SECISBP2: variants seen among roughly 807,000 people sequenced by gnomAD.
The protein encoded by SECISBP2 is selenocysteine insertion sequence-binding protein 2.
SECISBP2 carries 96 observed loss-of-function variants against 98.2 expected under a neutral mutation model. That is an observed-to-expected ratio of 0.98 (90% CI 0.83 to 1.16). SECISBP2 has a LOEUF of 1.16. Among genes scored for constraint, SECISBP2 ranks in the 50% most tolerant of loss-of-function variants. SECISBP2 has a pLI of 0.00. For missense variants in SECISBP2, 1,046 were observed against 1,022.9 expected (o/e 1.02, Z -0.31); for synonymous variants, 407 against 370.2 (o/e 1.10, Z -1.14).
At chr9:89,357,786 C>T (rs1215076331) in intron 15 of SECISBP2, among the ~76,000 whole-genome samples, 3 of 152,260 alleles carry the variant, frequency 2.0e-5, no homozygotes, top group Non-Finnish European at 4.4e-5. Context: ...TCTGGGCTTG[C>T]TGCTGACATA....
chr9:89,332,698 G>A (rs1239075488), intron 5 of SECISBP2: 1 of 581,096 alleles, frequency 1.7e-6, no homozygotes, highest in Admixed American at 3.0e-5. Context: ...AAGGAGTGCA[G>A]TGGCTAAATC....
intron 8 of SECISBP2, among the ~76,000 whole-genome samples, chr9:89,339,520 T>C (rs1353255021): frequency 6.6e-6 from 1 of 152,224 alleles, no homozygotes; most frequent in Non-Finnish European, 1.5e-5. Flanking sequence ...CATGTAAATC[T>C]ACTGAATCTG....
intron 14 of SECISBP2, 49 bp from the exon 15 acceptor site, chr9:89,357,362 C>T (rs1302618414): frequency 6.2e-7 from 1 of 1,609,686 alleles, no homozygotes. Context: ...ATTAACACCA[C>T]ACTCCATGTG....
intron 6 of SECISBP2, among the ~76,000 whole-genome samples, chr9:89,333,711 CT>C (rs1828146917): frequency 6.6e-6 from 1 of 151,636 alleles, no homozygotes; most frequent in African/African-American, 2.4e-5. Flanking sequence ...CTCATCTGTC[CT>C]GTCCTGGCCA....
intron 2 of SECISBP2, chr9:89,322,254 A>G (rs1003674116): frequency 3.3e-5 from 5 of 152,272 alleles, no homozygotes; most frequent in East Asian, 1.9e-4. Flanking sequence ...AACATTTGCC[A>G]TGTTTGGAAA....
intron 7 of SECISBP2, among the ~76,000 whole-genome samples, chr9:89,337,510 AAGAG>A (rs1212721738): frequency 6.6e-6 from 1 of 152,300 alleles, no homozygotes; most frequent in South Asian, 2.1e-4. Context: ...AATATGAACA[AAGAG>A]AGAGGGGTTT....
intron 10 of SECISBP2, 134 bp downstream of exon 10, chr9:89,341,613 G>A: frequency 9.6e-7 from 1 of 1,045,712 alleles, no homozygotes; most frequent in Non-Finnish European, 1.4e-6. Context: ...CATAGATAAG[G>A]ACCTGTGGAA....
intron 8 of SECISBP2, among the ~76,000 whole-genome samples, chr9:89,338,922 T>C (rs560476551): frequency 3.9e-5 from 6 of 152,176 alleles, no homozygotes; most frequent in Non-Finnish European, 7.4e-5. Context: ...ATGCTGGCTT[T>C]TGCAGGGCCT....
In SECISBP2 at chr9:89,338,581, G is replaced by GA. The variant is rs1396576985; in HGVS notation, c.1212+1_1212+2insA. 2 of 1,611,338 alleles carry GA rather than the reference G, an allele frequency of 1.2e-6. No individual in the cohort carries two copies. The highest frequency in any genetic ancestry group is 2.7e-5 in the African/African-American group (2 of 74,748). ...AGTTCAAGAGCCTCCAAGGATTGAA[G>GA]TACATTTATATTTTTTATTCACATG... On this transcript the variant is annotated splice_donor_variant, in intron 8 of 16. Transcript: ENST00000375807. LOFTEE classifies it high-confidence loss of function.
At position 89,358,760 on chromosome 9, in the gene SECISBP2, G is replaced by A; in HGVS notation, c.2501G>A (p.Cys834Tyr). Residue 834 changes from cysteine (C) to tyrosine (Y), a missense_variant, in exon 17 of 17, where the codon TGT becomes TAT. Transcript: ENST00000375807. ...WKKHLEAYSG[C>Y]TLELEESLEA... is the part of the protein sequence containing the mutation. The stretch of plus-strand genomic sequence containing the variant: ...AAACATCTGGAAGCATACAGTGGAT[G>A]TACCCTGGAGCTAGAAGAATCCTTG... 6.2e-7 allele frequency: 1 copy of A among 1,613,884 alleles called. No homozygotes were observed. The highest frequency in any genetic ancestry group is 8.5e-7 in the Non-Finnish European group (1 of 1,179,750).
intron 4 of SECISBP2, among the ~76,000 whole-genome samples, chr9:89,326,590 C>G (rs910143835): frequency 6.6e-6 from 1 of 152,160 alleles, no homozygotes; most frequent in Non-Finnish European, 1.5e-5. Flanking sequence ...AATTAAAATG[C>G]CCAGCTGCAC....
At chr9:89,334,779 A>G in intron 7 of SECISBP2, 49 bp downstream of exon 7, 3 of 1,367,376 alleles carry the variant, frequency 2.2e-6, no homozygotes, top group Non-Finnish European at 3.1e-6. Context: ...CCAGGGGCTC[A>G]GTAGAGTGGG....
chr9:89,366,356 TATA>T, the SECISBP2 span, among the ~76,000 whole-genome samples: 1 of 152,226 alleles, frequency 6.6e-6, no homozygotes, highest in Non-Finnish European at 1.5e-5. Flanking sequence ...GCATTGCTTT[TATA>T]ATAATAATTT....
chr9:89,363,407 T>G, downstream of SECISBP2: 1 of 1,608,810 alleles, frequency 6.2e-7, no homozygotes, highest in Non-Finnish European at 8.5e-7. Context: ...CCCTCCTTTC[T>G]TTGCCCGGCT....
chr9:89,341,048 C>CTA (rs1249182509), intron 9 of SECISBP2, among the ~76,000 whole-genome samples: 2 of 152,006 alleles, frequency 1.3e-5, no homozygotes, highest in Non-Finnish European at 2.9e-5. Flanking sequence ...AGACTTTATA[C>CTA]AAGTGCTAGT....
chr9:89,326,253 T>C (rs1273173623), intron 4 of SECISBP2, among the ~76,000 whole-genome samples: 2 of 152,214 alleles, frequency 1.3e-5, no homozygotes, highest in African/African-American at 4.8e-5. Flanking sequence ...ACCTGTTGCA[T>C]TGTGGGATCT....
At chr9:89,334,789 G>A (rs1828353516) in intron 7 of SECISBP2, 59 bp downstream of exon 7, 5 of 1,251,886 alleles carry the variant, frequency 4.0e-6, no homozygotes, top group Non-Finnish European at 3.5e-6. Context: ...AGTAGAGTGG[G>A]GAATGAGAAG....
At chr9:89,357,190 C>T in intron 14 of SECISBP2, 1 of 591,238 alleles carries the variant, frequency 1.7e-6, no homozygotes, top group Non-Finnish European at 3.0e-6. Context: ...TTAACTTTTC[C>T]TGTTAAGACA....
At chr9:89,336,181 A>C (rs939609990) in intron 7 of SECISBP2, among the ~76,000 whole-genome samples, 8 of 139,156 alleles carry the variant, frequency 5.7e-5, no homozygotes, top group Non-Finnish European at 9.0e-5. Context: ...GACTACAGGC[A>C]TGCACCACCA....
Sources: allele counts gnomAD v4.1 joint callset (sites outside exome capture counted in the v4.1 genomes callset), GRCh38; gene constraint gnomAD v4.1.1; transcripts MANE v1.5; gene names NCBI Gene and HGNC (gene_info 2026-07-23, HGNC 2026-07-21).